The following CYP46A1 variants were observed in gnomAD, a reference collection of about 807,000 sequenced individuals.
The protein encoded by CYP46A1 is cytochrome P450 family 46 subfamily A member 1, also known as cholesterol 24-hydroxylase.
In CYP46A1, 20 loss-of-function variants were observed where a neutral mutation model predicts 63.3. The ratio of observed to expected loss-of-function variants is 0.32; its 90% CI spans 0.22 to 0.46. The LOEUF (loss-of-function observed/expected upper bound fraction) is 0.46. CYP46A1 is among the 20% of genes least tolerant of loss of function. The pLI is 1.00. For synonymous variants in CYP46A1, 268 were observed against 273.6 expected (o/e 0.98, Z 0.20); for missense variants, 445 against 670.8 (o/e 0.66, Z 3.72).
At position 99,726,557 on chromosome 14, in the gene CYP46A1, A is replaced by G. The variant is rs144915500; in HGVS notation, c.1333A>G (p.Met445Val). ...RSCIGQQFAQ[M>V]EVKVVMAKLL... ...TCCTCATTTTGCCCGCTGGGCCCAG[A>G]TGGAGGTGAAGGTGGTCATGGCAAA... The change falls in exon 15 of 15, where the codon ATG becomes GTG. Residue 445 changes from methionine (M) to valine (V), a missense_variant and splice_region_variant. Physicochemically the swap from Met to Val is conservative, Grantham distance 21 (BLOSUM62 1). This residue lies in a region of CYP46A1 where 85 missense variants were observed against 80.1 expected (regional missense o/e 1.06). Transcript: ENST00000261835. 1.9e-6 allele frequency: 3 copies of G among 1,578,060 alleles called. No individual in the cohort carries two copies. Among genetic ancestry groups the G allele is most frequent in the Non-Finnish European group, 1.7e-6 (2 of 1,162,802 alleles).
rs1215506496 is a variant in CYP46A1, at chr14:99,726,596, C to G, written c.1372C>G (p.Leu458Val). The G allele has an allele frequency of 6.3e-7, 1 of 1,591,518 alleles. No individual in the cohort carries two copies. The highest frequency in any genetic ancestry group is 2.3e-5 in the East Asian group (1 of 44,118). ...GGTCATGGCAAAGCTGCTGCAGAGG[C>G]TGGAGTTCCGGCTGGTGCCCGGGCA... ...KVVMAKLLQR[L>V]EFRLVPGQRF... Residue 458 changes from leucine to valine, a missense_variant, in exon 15 of 15, where the codon CTG becomes GTG. By Grantham distance (32) the Leu-to-Val change is conservative. This residue lies in a region of CYP46A1 where 85 missense variants were observed against 80.1 expected (regional missense o/e 1.06). Coordinates refer to ENST00000261835, the MANE Select transcript of CYP46A1 (RefSeq NM_006668.2).
chr14:99,705,254 C>T (rs1168949714), intron 5 of CYP46A1, among the ~76,000 whole-genome samples: 1 of 152,226 alleles, frequency 6.6e-6, no homozygotes, highest in Non-Finnish European at 1.5e-5. Flanking sequence ...TTCACCCAGA[C>T]TGGAGTGCAA....
chr14:99,713,874 A>AAAAAC (rs1555383335), intron 7 of CYP46A1, among the ~76,000 whole-genome samples: 1 of 149,060 alleles, frequency 6.7e-6, no homozygotes. Flanking sequence ...TCAAAAAAAA[A>AAAAAC]AAAAAAAAAA....
At position 99,722,601 on chromosome 14, in the gene CYP46A1, G is replaced by C. The variant is rs6575744; in HGVS notation, c.1176+535G>C. Reference sequence around the variant, plus strand: ...CTAGGATATAGTCACTCCCTGCTCCGCTGACAAGGAATCACTAATCTGAAT... The same window carrying C: ...CTAGGATATAGTCACTCCCTGCTCCCCTGACAAGGAATCACTAATCTGAAT... On this transcript the variant is annotated intron_variant, in intron 12 of 14. Transcript: ENST00000261835. The surrounding 1 kb of genome is among the most constrained non-coding windows in gnomAD (Gnocchi z 4.6). Among the ~76,000 whole-genome samples the C allele has an allele frequency of 0.91, 138,094 of 151,682 alleles. 63,141 individuals carry two copies. Among genetic ancestry groups the C allele is most frequent in the South Asian group, 0.98 (4,674 of 4,788 alleles).
intron 7 of CYP46A1, among the ~76,000 whole-genome samples, chr14:99,714,472 T>C (rs1251848323): frequency 6.6e-5 from 10 of 152,142 alleles, no homozygotes; most frequent in African/African-American, 2.4e-4. Flanking sequence ...TAAAGAAAAT[T>C]TGGTGTAGCT....
intron 3 of CYP46A1, 110 bp downstream of exon 3, chr14:99,691,971 T>G: frequency 9.0e-7 from 1 of 1,111,892 alleles, no homozygotes; most frequent in Non-Finnish European, 1.3e-6. Flanking sequence ...CAGGCGCATT[T>G]CGGCTGGTTT....
At chr14:99,696,041 C>T (rs908922993) in intron 3 of CYP46A1, among the ~76,000 whole-genome samples, 4 of 152,138 alleles carry the variant, frequency 2.6e-5, no homozygotes, top group Non-Finnish European at 4.4e-5. Flanking sequence ...ATAGATAGCA[C>T]ACAGTTGATT....
chr14:99,724,628 G>T (rs944198109), intron 12 of CYP46A1, among the ~76,000 whole-genome samples: 3 of 152,174 alleles, frequency 2.0e-5, no homozygotes, highest in African/African-American at 7.2e-5. Flanking sequence ...TAGGTGGGGG[G>T]AGTGGTGAGC....
chr14:99,717,906 G>A (rs60057120), intron 9 of CYP46A1, 148 bp from the exon 10 acceptor site: 46 of 601,246 alleles, frequency 7.7e-5, no homozygotes, highest in African/African-American at 6.7e-4. Context: ...AGACCTAGAC[G>A]ATGGTTCAAG....
intron 7 of CYP46A1, among the ~76,000 whole-genome samples, chr14:99,714,118 A>G (rs984967461): frequency 6.6e-6 from 1 of 152,242 alleles, no homozygotes; most frequent in Non-Finnish European, 1.5e-5. Flanking sequence ...GCCAAGAGGT[A>G]TATGAAAAAA....
intron 7 of CYP46A1, 114 bp downstream of exon 7, chr14:99,707,792 G>C (rs1465445144): frequency 4.8e-6 from 4 of 835,776 alleles, no homozygotes; most frequent in Non-Finnish European, 5.7e-6. Flanking sequence ...TTTGAGTTCT[G>C]GTATGTCTGA....
intron 4 of CYP46A1, 93 bp from the exon 5 acceptor site, chr14:99,699,922 G>A (rs927124864): frequency 1.6e-5 from 15 of 939,590 alleles, no homozygotes; most frequent in South Asian, 6.3e-5. Flanking sequence ...CTCCAATACC[G>A]TTTCCTCATC....
chr14:99,687,945 G>A (rs890609992), intron 1 of CYP46A1, among the ~76,000 whole-genome samples: 1 of 150,678 alleles, frequency 6.6e-6, no homozygotes, highest in Non-Finnish European at 1.5e-5. Context: ...TTCTGTTGTC[G>A]CCTCCCCAGC....
At chr14:99,717,914 A>G (rs2056806142) in intron 9 of CYP46A1, 140 bp from the exon 10 acceptor site, 2 of 635,064 alleles carry the variant, frequency 3.1e-6, no homozygotes, top group Non-Finnish European at 5.5e-6. Context: ...ACGATGGTTC[A>G]AGGAAGGGGC....
chr14:99,721,445 G>A, intron 11 of CYP46A1, 122 bp downstream of exon 11: 1 of 725,376 alleles, frequency 1.4e-6, no homozygotes, highest in East Asian at 2.7e-5. Flanking sequence ...TCCTCCCCCG[G>A]AAGATTTAAA....
rs200877443 is a variant in CYP46A1, at chr14:99,726,668, G to T, written c.1444G>T (p.Val482Leu). 798 of 1,559,256 alleles carry T rather than the reference G, an allele frequency of 5.1e-4. 5 individuals carry two copies. The African/African-American group carries it at 0.01, about 20-fold the overall frequency. The change falls in exon 15 of 15, where the codon GTG becomes TTG. Residue 482 changes from valine (V) to leucine (L), a missense_variant. Val to Leu is a conservative substitution (Grantham distance 32, BLOSUM62 1). Coordinates refer to ENST00000261835, the MANE Select transcript of CYP46A1 (RefSeq NM_006668.2). The stretch of plus-strand genomic sequence containing the variant: ...GGCCACACTCAAGCCACTGGACCCC[G>T]TGCTGTGCACCCTGCGGCCCCGCGG... Reference protein sequence around the residue: ...EQATLKPLDPVLCTLRPRGWQ... With the variant: ...EQATLKPLDPLLCTLRPRGWQ...
chr14:99,688,128 CACTT>C lies in CYP46A1; in HGVS notation c.120-2951_120-2948del, dbSNP rs1383242842. 6.6e-5 allele frequency among the ~76,000 whole-genome samples: 10 copies of C among 152,180 alleles called. No individual in the cohort carries two copies. In the East Asian group the frequency reaches 1.7e-3, roughly 27 times the overall value. On this transcript the variant is annotated intron_variant, in intron 1 of 14. Transcript: ENST00000261835. ...AAGCTCTGGGCTCAGACTCTGTCCTCACTTAAGTGACTCAAAACTGAGAACATTC... is the reference window on the plus strand; with the variant it reads ...AAGCTCTGGGCTCAGACTCTGTCCTCAAGTGACTCAAAACTGAGAACATTC...
In CYP46A1 at chr14:99,684,465, C is replaced by A. The variant is rs569975911; in HGVS notation, c.48C>A (p.Phe16Leu). 30 of 1,479,056 alleles carry A rather than the reference C, an allele frequency of 2.0e-5. No individual in the cohort carries two copies. The African/African-American group carries it at 2.8e-4, about 14-fold the overall frequency. 91.6% of individuals were successfully genotyped at this position (1,479,056 alleles called of 1,614,324 possible). A position where few individuals can be genotyped will look rare whatever the true frequency, so the allele number is the denominator to read the frequency against. The part of the protein sequence containing the change: ...LLLGSAVLLA[F>L]GLCCTFVHRA... ...TCGGCAGCGCCGTCCTGCTCGCCTT[C>A]GGCCTCTGCTGCACCTTCGTGCACC... is the stretch of plus-strand genomic sequence containing the variant. The change falls in exon 1 of 15, where the codon TTC (phenylalanine) becomes TTA (leucine). Residue 16 changes from phenylalanine (F) to leucine (L), a missense_variant. Physicochemically the swap from Phe to Leu is conservative, Grantham distance 22. Transcript: ENST00000261835.
Position 99,725,201 on chromosome 14 carries a change from GCTCTTC to G in CYP46A1, c.1177-184_1177-179del, listed in dbSNP as rs755340651. ...CCAGCTGGCACAGTCAACTGTCCCC[GCTCTTC>G]CTCTTAAGGGATTTTCTAGGGGGCC... On this transcript the variant is annotated intron_variant, in intron 12 of 14. Coordinates refer to ENST00000261835, the MANE Select transcript of CYP46A1 (RefSeq NM_006668.2). This position sits in a 1 kb window ranked among gnomAD's most constrained non-coding sequence, Gnocchi z 4.2. 3.3e-5 allele frequency among the ~76,000 whole-genome samples: 5 copies of G among 152,028 alleles called. No individual in the cohort carries two copies. Among genetic ancestry groups the G allele is most frequent in the Admixed American group, 2.6e-4 (4 of 15,276 alleles).
Sources: allele counts gnomAD v4.1 joint callset (sites outside exome capture counted in the v4.1 genomes callset), GRCh38; gene constraint gnomAD v4.1.1; regional missense constraint gnomAD v4.1.1; non-coding constraint Gnocchi (gnomAD v3.1); transcripts MANE v1.5; gene names NCBI Gene and HGNC (gene_info 2026-07-23, HGNC 2026-07-21).